THSD4: variants seen among roughly 807,000 people sequenced by gnomAD.
THSD4 encodes thrombospondin type-1 domain-containing protein 4.
THSD4 carries 69 observed loss-of-function variants against 119.0 expected under a neutral mutation model. The ratio of observed to expected loss-of-function variants is 0.58; its 90% CI spans 0.48 to 0.71. The LOEUF is 0.71. Among genes scored for constraint, THSD4 ranks in the 30% least tolerant of loss-of-function variants. The probability of loss-of-function intolerance (pLI) is 0.00; values close to 1 mark genes in which losing one functional copy is unlikely to be tolerated. For synonymous variants in THSD4, 524 were observed against 540.4 expected, an observed-to-expected ratio of 0.97 and a Z score of 0.42; for missense variants, 1,393 against 1,391.1, an observed-to-expected ratio of 1.00 and a Z score of -0.02.
intron 7 of THSD4, among the ~76,000 whole-genome samples, chr15:71,527,764 G>A (rs2048546882): frequency 7.1e-6 from 1 of 140,078 alleles, no homozygotes; most frequent in African/African-American, 2.6e-5. Flanking sequence ...CCAGGCTGGA[G>A]TGCAGTGGCA....
At chr15:71,478,962 T>C (rs2047687021) in intron 7 of THSD4, among the ~76,000 whole-genome samples, 1 of 152,152 alleles carries the variant, frequency 6.6e-6, no homozygotes, top group Admixed American at 6.6e-5. Flanking sequence ...AAACCACAGG[T>C]CTGCTTTGTA....
intron 7 of THSD4, chr15:71,547,495 A>C: frequency 3.9e-6 from 6 of 1,549,680 alleles, no homozygotes; most frequent in Non-Finnish European, 5.2e-6. Context: ...AGCCAAATAA[A>C]ATATCTTGTC....
intron 6 of THSD4, among the ~76,000 whole-genome samples, chr15:71,316,251 C>A (rs1307409748): frequency 2.0e-5 from 3 of 152,156 alleles, no homozygotes; most frequent in Admixed American, 2.0e-4. Context: ...GCTAAACAGC[C>A]CCTCCTTTAT....
upstream of THSD4, chr15:71,096,923 T>G (rs1443350302): frequency 6.6e-6 from 1 of 152,222 alleles, no homozygotes; most frequent in Admixed American, 6.5e-5. Flanking sequence ...CGAGACCAGA[T>G]AAGCCTGCAT....
At chr15:71,570,612 G>A (rs1414094881) in intron 7 of THSD4, among the ~76,000 whole-genome samples, 1 of 151,868 alleles carries the variant, frequency 6.6e-6, no homozygotes, top group Admixed American at 6.6e-5. Context: ...TTCACCATCA[G>A]ATACACATTT....
chr15:71,494,095 A>G (rs550718326), intron 7 of THSD4, among the ~76,000 whole-genome samples: 63 of 152,256 alleles, frequency 4.1e-4, no homozygotes, highest in African/African-American at 1.5e-3. Context: ...GTGAGGGCCA[A>G]TTTTTCAAGG....
chr15:71,333,576 G>C (rs888125724), intron 6 of THSD4, among the ~76,000 whole-genome samples: 1 of 152,186 alleles, frequency 6.6e-6, no homozygotes, highest in African/African-American at 2.4e-5. Flanking sequence ...GCAACTGATA[G>C]AGTGCAGAAA....
At chr15:71,266,144 C>G (rs1201995534) in intron 6 of THSD4, among the ~76,000 whole-genome samples, 3 of 152,244 alleles carry the variant, frequency 2.0e-5, no homozygotes, top group African/African-American at 7.2e-5. Context: ...GGGTCCCTGA[C>G]CCCTGTGCCT....
chr15:71,253,650 C>T lies in THSD4; in HGVS notation c.913-2963C>T, dbSNP rs548411943. ...CTCGAAATCCAGACCTCAAGTGATCCGTCTGCCTCGGCCTCCCAAAGTGCT... is the reference window on the plus strand; with the variant it reads ...CTCGAAATCCAGACCTCAAGTGATCTGTCTGCCTCGGCCTCCCAAAGTGCT... On this transcript the variant is annotated intron_variant, in intron 5 of 17. Coordinates refer to ENST00000261862, the MANE Select transcript of THSD4 (RefSeq NM_024817.3). 2.6e-5 allele frequency among the ~76,000 whole-genome samples: 4 copies of T among 152,178 alleles called. No individual in the cohort carries two copies. The East Asian group carries it at 5.8e-4, about 22-fold the overall frequency.
intron 6 of THSD4, among the ~76,000 whole-genome samples, chr15:71,325,355 A>G (rs915323693): frequency 2.6e-5 from 4 of 152,110 alleles, no homozygotes; most frequent in Admixed American, 6.5e-5. Context: ...CCTCAGTTCA[A>G]CAGTCTCTGA....
At chr15:71,695,993 G>A (rs1167196095) in intron 8 of THSD4, among the ~76,000 whole-genome samples, 1 of 152,216 alleles carries the variant, frequency 6.6e-6, no homozygotes, top group Non-Finnish European at 1.5e-5. Flanking sequence ...AGTTAATACA[G>A]ATAAAGCATG....
intron 3 of THSD4, among the ~76,000 whole-genome samples, chr15:71,155,870 G>C (rs2040772112): frequency 6.6e-6 from 1 of 152,086 alleles, no homozygotes; most frequent in Admixed American, 6.5e-5. Context: ...TCCTGCTGGT[G>C]ACTCCCTTTG....
At chr15:71,196,564 C>A (rs1021304794) in intron 3 of THSD4, among the ~76,000 whole-genome samples, 1 of 152,108 alleles carries the variant, frequency 6.6e-6, no homozygotes, top group Non-Finnish European at 1.5e-5. Flanking sequence ...GGGACAGTGG[C>A]AGTATTGCCA....
At chr15:71,523,001 C>T (rs1377824795) in intron 7 of THSD4, among the ~76,000 whole-genome samples, 1 of 152,132 alleles carries the variant, frequency 6.6e-6, no homozygotes, top group Non-Finnish European at 1.5e-5. Context: ...CAGTGAGGGT[C>T]CTGCTTGGTT....
rs572746563 is a variant in THSD4, at chr15:71,647,140, C to T, written c.1153-13390C>T. On this transcript the variant is annotated intron_variant, in intron 7 of 17. Coordinates refer to ENST00000261862, the MANE Select transcript of THSD4 (RefSeq NM_024817.3). ...AAAATTAAGAATTTCAAGGTTCTACCAAAGAAGGTGAAGGATCGGTGTTTT... is the reference window on the plus strand; with the variant it reads ...AAAATTAAGAATTTCAAGGTTCTACTAAAGAAGGTGAAGGATCGGTGTTTT... 4.6e-5 allele frequency among the ~76,000 whole-genome samples: 7 copies of T among 152,256 alleles called. No individual in the cohort carries two copies. In the South Asian group the frequency reaches 1.4e-3, roughly 32 times the overall value.
intron 7 of THSD4, among the ~76,000 whole-genome samples, chr15:71,524,110 C>T (rs186487723): frequency 1.1e-3 from 165 of 152,234 alleles, no homozygotes; most frequent in Non-Finnish European, 1.8e-3. Context: ...AAATACTGCT[C>T]GATGGCATCC....
intron 2 of THSD4, among the ~76,000 whole-genome samples, chr15:71,154,618 C>T (rs1004097094): frequency 1.3e-5 from 2 of 152,222 alleles, no homozygotes; most frequent in Non-Finnish European, 1.5e-5. Context: ...TGATCTAGAA[C>T]CCCTGCGGGT....
intron 7 of THSD4, among the ~76,000 whole-genome samples, chr15:71,601,157 A>G (rs1401850777): frequency 1.3e-5 from 2 of 152,194 alleles, no homozygotes; most frequent in South Asian, 4.1e-4. Flanking sequence ...TGGAAGCGAG[A>G]TTTGAGTCCA....
intron 10 of THSD4, among the ~76,000 whole-genome samples, chr15:71,737,448 G>C (rs189217613): frequency 1.3e-5 from 2 of 152,160 alleles, no homozygotes; most frequent in Non-Finnish European, 2.9e-5. Context: ...GAGGATTTTT[G>C]TATGGGTTTT....
Sources: allele counts gnomAD v4.1 joint callset (sites outside exome capture counted in the v4.1 genomes callset), GRCh38; gene constraint gnomAD v4.1.1; transcripts MANE v1.5; gene names NCBI Gene and HGNC (gene_info 2026-07-23, HGNC 2026-07-21).